SLC6A2: variants seen among roughly 807,000 people sequenced by gnomAD.
SLC6A2 encodes the protein sodium-dependent noradrenaline transporter.
Under a neutral mutation model 71.7 loss-of-function variants are expected in SLC6A2, and 26 were observed. The observed-to-expected ratio is 0.36, with a 90% confidence interval of 0.27 to 0.50. SLC6A2 has a LOEUF of 0.50. Among genes scored for constraint, SLC6A2 ranks in the 20% least tolerant of loss-of-function variants. SLC6A2 has a pLI of 0.96. For synonymous variants in SLC6A2, 363 were observed against 337.9 expected (o/e 1.07, Z -0.82); for missense variants, 581 against 803.9 (o/e 0.72, Z 3.35).
At chr16:55,695,044 TC>T (rs1454657669) in intron 7 of SLC6A2, among the ~76,000 whole-genome samples, 1 of 152,192 alleles carries the variant, frequency 6.6e-6, no homozygotes, top group Non-Finnish European at 1.5e-5. Flanking sequence ...AGCTGGTGAC[TC>T]AATTCCCTGG....
chr16:55,676,115 A>G (rs1318613419), intron 4 of SLC6A2, among the ~76,000 whole-genome samples: 5 of 152,184 alleles, frequency 3.3e-5, no homozygotes, highest in Non-Finnish European at 1.5e-5. Context: ...TGGACTTCTA[A>G]CAGGCATATG....
intron 12 of SLC6A2, 46 bp from the exon 13 acceptor site, chr16:55,700,093 T>C: frequency 3.9e-6 from 6 of 1,549,374 alleles, no homozygotes; most frequent in Non-Finnish European, 5.3e-6. Flanking sequence ...TTCTTGTCTC[T>C]CTTCTGTCCT....
intron 12 of SLC6A2, 108 bp from the exon 13 acceptor site, chr16:55,700,031 C>T (rs1385551086): frequency 1.5e-5 from 13 of 888,238 alleles, no homozygotes. Context: ...CTGTGATGCT[C>T]ACTTCTCTTC....
intron 6 of SLC6A2, among the ~76,000 whole-genome samples, chr16:55,692,480 C>A (rs1269075880): frequency 6.6e-6 from 1 of 152,162 alleles, no homozygotes; most frequent in African/African-American, 2.4e-5. Flanking sequence ...ATAGTCTTAG[C>A]CACCAGGGAG....
chr16:55,696,404 A>T, intron 9 of SLC6A2, 67 bp downstream of exon 9: 9 of 932,100 alleles, frequency 9.7e-6, no homozygotes, highest in African/African-American at 1.6e-5. Flanking sequence ...CCCAACACAC[A>T]GTGCTGGGCC....
intron 9 of SLC6A2, 104 bp from the exon 10 acceptor site, chr16:55,697,793 T>C (rs566953851): frequency 8.1e-7 from 1 of 1,233,244 alleles, no homozygotes; most frequent in East Asian, 2.5e-5. Flanking sequence ...CAAGGCAGCC[T>C]ACATGAGTCC....
At position 55,685,156 on chromosome 16, in the gene SLC6A2, C is replaced by A. The variant is rs1357269177; in HGVS notation, c.658C>A (p.His220Asn). The stretch of plus-strand genomic sequence containing the variant: ...TCCTCTGGGCAGGCGTGGTGTCCTG[C>A]ACCTTCACGAGAGCAGCGGGATTCA... Reference protein sequence around the residue: ...AAEFYERGVLHLHESSGIHDI... With the variant: ...AAEFYERGVLNLHESSGIHDI... Residue 220 changes from histidine to asparagine, a missense_variant, in exon 5 of 15, where the codon CAC (histidine) becomes AAC (asparagine). By Grantham distance (68) the His-to-Asn change is moderately conservative. Transcript: ENST00000568943. 2.5e-6 allele frequency: 4 copies of A among 1,614,198 alleles called. No homozygotes were observed. In the South Asian group the frequency reaches 4.4e-5, roughly 18 times the overall value.
chr16:55,679,955 A>G (rs1055557304), intron 4 of SLC6A2, among the ~76,000 whole-genome samples: 2 of 152,142 alleles, frequency 1.3e-5, no homozygotes, highest in African/African-American at 4.8e-5. Flanking sequence ...TGTATCTGTG[A>G]TGTTTAGCAG....
chr16:55,692,279 C>T (rs1965658813), intron 6 of SLC6A2, among the ~76,000 whole-genome samples: 1 of 152,202 alleles, frequency 6.6e-6, no homozygotes, highest in Non-Finnish European at 1.5e-5. Flanking sequence ...TCTGTGGTTG[C>T]ATCTGGTGGT....
At chr16:55,671,175 TG>T (rs1391430255) in intron 3 of SLC6A2, among the ~76,000 whole-genome samples, 1 of 152,068 alleles carries the variant, frequency 6.6e-6, no homozygotes. Flanking sequence ...GAGCAGCAAC[TG>T]GGGATAGGGA....
Position 55,705,169 on chromosome 16 carries a change from A to G in SLC6A2, c.*2823A>G. On this transcript the variant is annotated 3_prime_UTR_variant, in exon 15 of 15. Transcript: ENST00000568943. ...GTTTGAGAACATCACATTTACGTCT[A>G]CTCAATGTCTAGTTATTTAGCACCC... 1 of 1,279,856 alleles carries G rather than the reference A, an allele frequency of 7.8e-7. No homozygotes were observed. Among genetic ancestry groups the G allele is most frequent in the Non-Finnish European group, 1.1e-6 (1 of 912,998 alleles). 79.3% of individuals were successfully genotyped at this position (1,279,856 alleles called of 1,614,324 possible).
chr16:55,691,250 A>G (rs1424469071), intron 5 of SLC6A2, among the ~76,000 whole-genome samples: 2 of 134,700 alleles, frequency 1.5e-5, no homozygotes, highest in African/African-American at 6.1e-5. Context: ...AGAGAGAGAG[A>G]GAGAGAGAGA....
At chr16:55,671,678 G>A in intron 3 of SLC6A2, 3 of 653,782 alleles carry the variant, frequency 4.6e-6, no homozygotes, top group Non-Finnish European at 7.7e-6. Flanking sequence ...TCTAGGTTGT[G>A]TGCTCCTTAT....
chr16:55,672,858 T>A (rs28380430), intron 4 of SLC6A2, among the ~76,000 whole-genome samples: 127,480 of 152,242 alleles, frequency 0.84, 53,440 homozygotes, highest in Non-Finnish European at 0.85. Context: ...AATATCATTT[T>A]AAAAAAGAAA....
At chr16:55,681,244 A>G (rs1965261706) in intron 4 of SLC6A2, among the ~76,000 whole-genome samples, 2 of 152,220 alleles carry the variant, frequency 1.3e-5, no homozygotes, top group African/African-American at 4.8e-5. Context: ...CCCTCATCAC[A>G]GCCCTTTCAC....
chr16:55,694,452 C>T (rs770292628), intron 7 of SLC6A2, among the ~76,000 whole-genome samples: 1 of 152,086 alleles, frequency 6.6e-6, no homozygotes, highest in Non-Finnish European at 1.5e-5. Context: ...GGTGGAATAT[C>T]GCAGCTGCTG....
chr16:55,665,938 A>G (rs1964737750), intron 2 of SLC6A2, among the ~76,000 whole-genome samples: 1 of 152,158 alleles, frequency 6.6e-6, no homozygotes, highest in Non-Finnish European at 1.5e-5. Flanking sequence ...AGTTTCTTTC[A>G]TGGTCGACAG....
rs557419247 is a variant in SLC6A2 at position 55,657,077 on chromosome 16, C to T, written c.274+109C>T. 1.5e-5 allele frequency: 18 copies of T among 1,239,754 alleles called. No homozygotes were observed. The East Asian group carries it at 4.0e-4, about 27-fold the overall frequency. 76.8% of individuals were successfully genotyped at this position (1,239,754 alleles called of 1,614,324 possible). On this transcript the variant is annotated intron_variant, in intron 2 of 14. Transcript: ENST00000568943. ...CGGAAGGGAGGCGAGGAGACAGGGG[C>T]AAATCTGGGGCGCAGAAAGAACTGG...
Position 55,656,740 on chromosome 16 carries a change from G to C in SLC6A2, c.46G>C (p.Gly16Arg), listed in dbSNP as rs775913156. The C allele has an allele frequency of 2.2e-5, 35 of 1,612,902 alleles. No individual in the cohort carries two copies. Among genetic ancestry groups the C allele is most frequent in the East Asian group, 1.6e-4 (7 of 44,856 alleles). ...MNPQVQPENN[G>R]ADTGPEQPLR... ...CCCGCAGGTGCAGCCCGAGAACAAC[G>C]GGGCGGACACGGGTCCAGAGCAGCC... The change falls in exon 2 of 15, where the codon GGG (glycine) becomes CGG (arginine). Residue 16 changes from glycine (G) to arginine (R), a missense_variant. This residue lies in a region of SLC6A2 where 76 missense variants were observed against 79.9 expected (regional missense o/e 0.95). Transcript: ENST00000568943. This position sits in a 1 kb window ranked among gnomAD's most constrained non-coding sequence, Gnocchi z 4.5.
Sources: allele counts gnomAD v4.1 joint callset (sites outside exome capture counted in the v4.1 genomes callset), GRCh38; gene constraint gnomAD v4.1.1; regional missense constraint gnomAD v4.1.1; non-coding constraint Gnocchi (gnomAD v3.1); transcripts MANE v1.5; gene names NCBI Gene and HGNC (gene_info 2026-07-23, HGNC 2026-07-21).